NSUN3: variants seen among roughly 807,000 people sequenced by gnomAD.
NSUN3 encodes the protein NOP2/Sun RNA methyltransferase 3, also known as tRNA (cytosine(34)-C(5))-methyltransferase, mitochondrial.
A neutral mutation model predicts 36.8 loss-of-function variants in NSUN3; 24 were observed. The observed-to-expected ratio is 0.65, with a 90% CI of 0.47 to 0.92. The LOEUF is 0.92. NSUN3 is among the 40% of genes least tolerant of loss of function. The pLI is 0.00. For missense variants in NSUN3, 381 were observed against 392.8 expected (o/e 0.97, Z 0.25); for synonymous variants, 146 against 145.2 (o/e 1.01, Z -0.04).
intron 5 of NSUN3, among the ~76,000 whole-genome samples, chr3:94,100,095 TAAAC>T (rs948272704): frequency 6.6e-6 from 1 of 152,196 alleles, no homozygotes; most frequent in African/African-American, 2.4e-5. Context: ...GGAATGCAGA[TAAAC>T]AAATATTGTC....
chr3:94,103,433 A>G (rs1357068676), intron 5 of NSUN3, among the ~76,000 whole-genome samples: 1 of 151,742 alleles, frequency 6.6e-6, no homozygotes, highest in Non-Finnish European at 1.5e-5. Context: ...AATACACAAT[A>G]TTATTATACA....
In NSUN3 at chr3:94,126,458, T is replaced by C. The variant is rs147001119; in HGVS notation, c.991T>C (p.Leu331=). 3 of 1,610,664 alleles carry C rather than the reference T, an allele frequency of 1.9e-6. No homozygotes were observed. Among genetic ancestry groups the C allele is most frequent in the East Asian group, 2.2e-5 (1 of 44,806 alleles). The change falls in exon 6 of 6, where the codon TTG becomes CTG. Residue 331 remains leucine, a synonymous_variant. Transcript: ENST00000314622. ...KAWGPMYVAK[L]KKSWSTGKW is the part of the protein sequence containing the mutation. ...CTGGGGCCCAATGTATGTAGCCAAATTGAAGAAATCATGGAGCACAGGAAA... is the reference window on the plus strand; with the variant it reads ...CTGGGGCCCAATGTATGTAGCCAAACTGAAGAAATCATGGAGCACAGGAAA...
chr3:94,091,850 C>T (rs1291829467), intron 3 of NSUN3, among the ~76,000 whole-genome samples: 2 of 152,200 alleles, frequency 1.3e-5, no homozygotes, highest in East Asian at 3.9e-4. Context: ...CCAGCTTATG[C>T]ATCACTACAG....
chr3:94,117,698 A>G (rs2077446136), intron 5 of NSUN3, among the ~76,000 whole-genome samples: 1 of 152,078 alleles, frequency 6.6e-6, no homozygotes, highest in Non-Finnish European at 1.5e-5. Flanking sequence ...GGGTAAAATC[A>G]TTTTCTACTA....
At chr3:94,065,669 G>C (rs1453341652) in intron 2 of NSUN3, among the ~76,000 whole-genome samples, 1 of 152,176 alleles carries the variant, frequency 6.6e-6, no homozygotes, top group African/African-American at 2.4e-5. Context: ...GGACAATTAA[G>C]CTGTTATAGA....
chr3:94,095,959 C>T (rs2077337255), intron 5 of NSUN3, among the ~76,000 whole-genome samples: 1 of 145,122 alleles, frequency 6.9e-6, no homozygotes, highest in Non-Finnish European at 1.5e-5. Flanking sequence ...TAGGATTTCA[C>T]TGTGTTGGTC....
chr3:94,076,899 G>C, intron 2 of NSUN3: 1 of 1,389,368 alleles, frequency 7.2e-7, no homozygotes. Context: ...GCATCAAAAT[G>C]AGCATCATCA....
intron 3 of NSUN3, among the ~76,000 whole-genome samples, chr3:94,086,752 A>G (rs1005959113): frequency 3.3e-5 from 5 of 152,216 alleles, no homozygotes; most frequent in South Asian, 2.1e-4. Context: ...TTATTTTACA[A>G]GTTTACCTCG....
At chr3:94,099,819 C>A (rs2077357842) in intron 5 of NSUN3, among the ~76,000 whole-genome samples, 1 of 149,040 alleles carries the variant, frequency 6.7e-6, no homozygotes, top group South Asian at 2.1e-4. Context: ...AAAAAAAAGA[C>A]TATAGCACTT....
intron 5 of NSUN3, among the ~76,000 whole-genome samples, chr3:94,110,398 T>TCA (rs1386880079): frequency 6.6e-6 from 1 of 152,082 alleles, no homozygotes; most frequent in South Asian, 2.1e-4. Flanking sequence ...GTGATAACTT[T>TCA]GGGTTACAAA....
intron 2 of NSUN3, among the ~76,000 whole-genome samples, chr3:94,069,658 CGAAAT>C (rs1282472253): frequency 5.3e-5 from 8 of 152,136 alleles, no homozygotes; most frequent in Non-Finnish European, 1.2e-4. Flanking sequence ...TAAACATTAT[CGAAAT>C]GATACATTAT....
rs1309107501 is a variant in NSUN3, at chr3:94,094,125, A to T, written c.467-15A>T. 1.3e-6 allele frequency: 2 copies of T among 1,555,786 alleles called. No homozygotes were observed. Among genetic ancestry groups the T allele is most frequent in the Non-Finnish European group, 1.7e-6 (2 of 1,154,676 alleles). ...CATTGCCTTCATTTGAAACTTTTTA[A>T]TCCTTTTTATTTAGGTTATCTTCAT... On this transcript the variant is annotated splice_polypyrimidine_tract_variant and intron_variant, in intron 3 of 5. Coordinates refer to ENST00000314622, the MANE Select transcript of NSUN3 (RefSeq NM_022072.5).
At chr3:94,104,959 T>C (rs2077382822) in intron 5 of NSUN3, among the ~76,000 whole-genome samples, 1 of 152,236 alleles carries the variant, frequency 6.6e-6, no homozygotes, top group African/African-American at 2.4e-5. Flanking sequence ...AACATCTTTT[T>C]TTCTTAATAA....
chr3:94,124,429 A>C (rs532403601), intron 5 of NSUN3, among the ~76,000 whole-genome samples: 1 of 152,198 alleles, frequency 6.6e-6, no homozygotes, highest in East Asian at 1.9e-4. Context: ...ACCTGCCTAG[A>C]AGTTTATTTA....
chr3:94,099,339 G>A (rs923780413), intron 5 of NSUN3, among the ~76,000 whole-genome samples: 1 of 151,980 alleles, frequency 6.6e-6, no homozygotes, highest in African/African-American at 2.4e-5. Context: ...ACCTTCTTAT[G>A]TCCCAGCAAC....
intron 1 of NSUN3, chr3:94,063,411 G>A (rs957105416): frequency 1.0e-5 from 5 of 496,362 alleles, no homozygotes; most frequent in Middle Eastern, 5.4e-4. Flanking sequence ...CGGTATCCCG[G>A]GAGCTTAGAA....
In NSUN3 at chr3:94,102,233, A is replaced by G. The variant is rs796323384; in HGVS notation, c.743+7079A>G. 4.7e-5 allele frequency among the ~76,000 whole-genome samples: 7 copies of G among 150,466 alleles called. No individual in the cohort carries two copies. In the South Asian group the frequency reaches 1.5e-3, roughly 32 times the overall value. ...AAAAAAAAAAAAAAAAAACACTAAC[A>G]TCTATTCTCTGATGCACTGGAGCTA... is the stretch of plus-strand genomic sequence containing the variant. On this transcript the variant is annotated intron_variant, in intron 5 of 5. Transcript: ENST00000314622.
intron 5 of NSUN3, among the ~76,000 whole-genome samples, chr3:94,115,579 C>T (rs2077436738): frequency 6.6e-6 from 1 of 152,084 alleles, no homozygotes; most frequent in Admixed American, 6.6e-5. Context: ...CTTGTTTTAG[C>T]GATGACATAA....
chr3:94,096,490 T>A (rs2077340343), intron 5 of NSUN3, among the ~76,000 whole-genome samples: 1 of 150,746 alleles, frequency 6.6e-6, no homozygotes, highest in Admixed American at 6.6e-5. Flanking sequence ...TTCTTTGTTT[T>A]TTTGTGTGTT....
Sources: gnomAD v4.1 joint callset for allele counts (sites outside exome capture counted in the v4.1 genomes callset) on GRCh38, gnomAD v4.1.1 for gene constraint, MANE v1.5 for transcripts, NCBI Gene and HGNC (gene_info 2026-07-23, HGNC 2026-07-21) for gene names.